The following FOXO3 variants were observed in gnomAD, a reference collection of about 807,000 sequenced individuals.
FOXO3 encodes forkhead box O3, also known as forkhead box protein O3.
Under a neutral mutation model 41.9 loss-of-function variants are expected in FOXO3, and 4 were observed. The ratio of observed to expected loss-of-function variants is 0.10; its 90% CI spans 0.05 to 0.22. FOXO3 has a LOEUF of 0.22. FOXO3 is among the 10% of genes least tolerant of loss of function. The pLI, the probability that FOXO3 is intolerant of heterozygous loss-of-function variation, is 1.00. For missense variants in FOXO3, 534 were observed against 906.8 expected, an observed-to-expected ratio of 0.59 and a Z score of 5.28; for synonymous variants, 318 against 389.3, an observed-to-expected ratio of 0.82 and a Z score of 2.16.
At chr6:108,635,889 G>C (rs1343210864) in intron 1 of FOXO3, among the ~76,000 whole-genome samples, 1 of 152,216 alleles carries the variant, frequency 6.6e-6, no homozygotes, top group African/African-American at 2.4e-5. Flanking sequence ...ACGATGACTG[G>C]AGGAAGATTT....
At chr6:108,669,424 T>C (rs1222913081) in intron 2 of FOXO3, among the ~76,000 whole-genome samples, 1 of 152,360 alleles carries the variant, frequency 6.6e-6, no homozygotes, top group East Asian at 1.9e-4. Context: ...GTGTTTTTTA[T>C]TGATGTAGAT....
At chr6:108,562,715 ACT>A (rs781540687) in intron 1 of FOXO3, among the ~76,000 whole-genome samples, 215 of 151,732 alleles carry the variant, frequency 1.4e-3, no homozygotes, top group Non-Finnish European at 2.2e-3. Flanking sequence ...CCGAAGAGAG[ACT>A]CTCTACCGTT....
At chr6:108,591,767 G>C (rs1395455972) in intron 1 of FOXO3, among the ~76,000 whole-genome samples, 1 of 151,968 alleles carries the variant, frequency 6.6e-6, no homozygotes, top group East Asian at 1.9e-4. Context: ...CGAGATTTTG[G>C]GATTGTACTT....
chr6:108,611,336 A>G (rs1470245652), intron 1 of FOXO3, among the ~76,000 whole-genome samples: 1 of 152,170 alleles, frequency 6.6e-6, no homozygotes, highest in East Asian at 1.9e-4. Flanking sequence ...ATCTATGTTC[A>G]GGACTTTTGG....
At chr6:108,654,903 T>C (rs11969312) in intron 1 of FOXO3, among the ~76,000 whole-genome samples, 10 of 152,228 alleles carry the variant, frequency 6.6e-5, no homozygotes, top group Non-Finnish European at 1.0e-4. Flanking sequence ...GCTGGTATTA[T>C]ATATGACGTA....
chr6:108,612,331 A>T lies in FOXO3; in HGVS notation c.621+50502A>T, dbSNP rs566019295. Reference sequence around the variant, plus strand: ...CTGCTAAACTCATGTATTAGTTGTAATACCCTTTTTGTAGAGTTCTTAGGA... The same window carrying T: ...CTGCTAAACTCATGTATTAGTTGTATTACCCTTTTTGTAGAGTTCTTAGGA... On this transcript the variant is annotated intron_variant, in intron 1 of 2. Coordinates refer to ENST00000406360, the MANE Select transcript of FOXO3 (RefSeq NM_001455.4). Among the ~76,000 whole-genome samples, 5 of 152,250 alleles carry T rather than the reference A, an allele frequency of 3.3e-5. No homozygotes were observed. The East Asian group carries it at 7.7e-4, about 23-fold the overall frequency.
At chr6:108,667,640 C>G (rs1779101629) in intron 2 of FOXO3, among the ~76,000 whole-genome samples, 1 of 152,176 alleles carries the variant, frequency 6.6e-6, no homozygotes, top group South Asian at 2.1e-4. Flanking sequence ...TAAAGTTTAT[C>G]TGGTGAACTC....
chr6:108,606,891 C>G (rs1200042888), intron 1 of FOXO3, among the ~76,000 whole-genome samples: 1 of 152,158 alleles, frequency 6.6e-6, no homozygotes, highest in Non-Finnish European at 1.5e-5. Flanking sequence ...CATAAAGATG[C>G]AGAGTAAGTT....
intron 1 of FOXO3, among the ~76,000 whole-genome samples, chr6:108,609,816 A>G (rs1777308954): frequency 6.6e-6 from 1 of 152,206 alleles, no homozygotes; most frequent in Admixed American, 6.5e-5. Context: ...ACACGTATGA[A>G]TATGCTGCTA....
At chr6:108,633,464 C>A (rs972521154) in intron 1 of FOXO3, among the ~76,000 whole-genome samples, 2 of 152,080 alleles carry the variant, frequency 1.3e-5, no homozygotes, top group Non-Finnish European at 2.9e-5. Flanking sequence ...AAAAAAACTA[C>A]TGAGTAAAAT....
chr6:108,583,524 A>G (rs1018507643), intron 1 of FOXO3, among the ~76,000 whole-genome samples: 1 of 152,246 alleles, frequency 6.6e-6, no homozygotes, highest in Non-Finnish European at 1.5e-5. Context: ...AGTTGGCTGC[A>G]AGAGAAATTT....
At chr6:108,678,572 G>C (rs914233130) in intron 2 of FOXO3, among the ~76,000 whole-genome samples, 7 of 150,514 alleles carry the variant, frequency 4.7e-5, no homozygotes, top group African/African-American at 7.3e-5. Context: ...TATAAATTCA[G>C]ATGCTCTAAG....
intron 1 of FOXO3, among the ~76,000 whole-genome samples, chr6:108,570,991 C>T (rs1389393797): frequency 2.0e-5 from 3 of 152,112 alleles, no homozygotes; most frequent in Non-Finnish European, 2.9e-5. Context: ...CCTCCCCTGC[C>T]TTTCATCTTT....
At chr6:108,630,673 C>G (rs72942591) in intron 1 of FOXO3, among the ~76,000 whole-genome samples, 6,381 of 152,190 alleles carry the variant, frequency 0.042, 254 homozygotes, top group South Asian at 0.22. Context: ...ACCAGTCTAC[C>G]TCCTTTCTCT....
At chr6:108,579,630 C>A (rs1024933409) in intron 1 of FOXO3, among the ~76,000 whole-genome samples, 1 of 152,126 alleles carries the variant, frequency 6.6e-6, no homozygotes, top group Non-Finnish European at 1.5e-5. Flanking sequence ...AGTTGCTCAT[C>A]CATTTTGGTT....
At chr6:108,628,600 G>A (rs1777876312) in intron 1 of FOXO3, among the ~76,000 whole-genome samples, 1 of 152,180 alleles carries the variant, frequency 6.6e-6, no homozygotes, top group Non-Finnish European at 1.5e-5. Context: ...TTTTTTGTTT[G>A]GTGGATGCCT....
chr6:108,574,949 A>ATGCT (rs1776221530), intron 1 of FOXO3, among the ~76,000 whole-genome samples: 1 of 152,330 alleles, frequency 6.6e-6, no homozygotes, highest in African/African-American at 2.4e-5. Context: ...AGGCAGCAGG[A>ATGCT]TGCTACCTGA....
chr6:108,561,919 G>C (rs1775806245), intron 1 of FOXO3, 90 bp downstream of exon 1: 3 of 1,462,242 alleles, frequency 2.1e-6, no homozygotes, highest in Non-Finnish European at 2.7e-6. Context: ...TGCGCTTGCG[G>C]GCTCCAGGGC....
At chr6:108,589,333 G>A (rs953938411) in intron 1 of FOXO3, among the ~76,000 whole-genome samples, 4 of 152,260 alleles carry the variant, frequency 2.6e-5, no homozygotes, top group South Asian at 2.1e-4. Flanking sequence ...AGTCTTGACC[G>A]GGCCAGGCCT....
Sources: gnomAD v4.1 joint callset for allele counts (sites outside exome capture counted in the v4.1 genomes callset) on GRCh38, gnomAD v4.1.1 for gene constraint, MANE v1.5 for transcripts, NCBI Gene and HGNC (gene_info 2026-07-23, HGNC 2026-07-21) for gene names.